The following ADGRL4 variants were observed in gnomAD, a reference collection of about 807,000 sequenced individuals.
ADGRL4 encodes the protein EGF, latrophilin and seven transmembrane domain containing 1.
In ADGRL4, 90 loss-of-function variants were observed where a neutral mutation model predicts 74.8. The ratio of observed to expected loss-of-function variants is 1.20; its 90% confidence interval spans 1.02 to 1.43. The LOEUF (loss-of-function observed/expected upper bound fraction) is 1.43. Among genes scored for constraint, ADGRL4 ranks in the 40% most tolerant of loss-of-function variants. The probability of loss-of-function intolerance (pLI) is 0.00; values close to 1 mark genes in which losing one functional copy is unlikely to be tolerated. For synonymous variants in ADGRL4, 311 were observed against 279.2 expected, an observed-to-expected ratio of 1.11 and a Z score of -1.14; for missense variants, 881 against 814.3, an observed-to-expected ratio of 1.08 and a Z score of -1.00.
intron 7 of ADGRL4, among the ~76,000 whole-genome samples, chr1:78,930,624 T>C (rs1649221445): frequency 6.6e-6 from 1 of 150,882 alleles, no homozygotes; most frequent in Admixed American, 6.6e-5. Flanking sequence ...CTAATTTTTG[T>C]ATTTTTAGTA....
intron 2 of ADGRL4, among the ~76,000 whole-genome samples, chr1:78,964,609 A>C (rs1378255017): frequency 6.6e-6 from 1 of 152,160 alleles, no homozygotes; most frequent in African/African-American, 2.4e-5. Flanking sequence ...TCTTCCATTT[A>C]AGTTCTTTCC....
At chr1:78,924,290 T>C (rs1015119152) in intron 8 of ADGRL4, among the ~76,000 whole-genome samples, 1 of 152,032 alleles carries the variant, frequency 6.6e-6, no homozygotes, top group African/African-American at 2.4e-5. Flanking sequence ...TGCGTGTATA[T>C]GTATATTTAT....
intron 12 of ADGRL4, among the ~76,000 whole-genome samples, chr1:78,900,281 G>A (rs1166462609): frequency 6.6e-6 from 1 of 152,068 alleles, no homozygotes; most frequent in African/African-American, 2.4e-5. Flanking sequence ...TTCTTCCGCA[G>A]TCCCTCCAGA....
At chr1:78,905,296 A>C (rs973754474) in intron 12 of ADGRL4, among the ~76,000 whole-genome samples, 1 of 152,052 alleles carries the variant, frequency 6.6e-6, no homozygotes. Flanking sequence ...GCTAACTTCA[A>C]TAAGTTTATA....
chr1:78,981,709 A>G (rs919777642), intron 2 of ADGRL4, among the ~76,000 whole-genome samples: 2 of 151,878 alleles, frequency 1.3e-5, no homozygotes, highest in African/African-American at 4.8e-5. Context: ...TTCTATTTTT[A>G]TGTCTTGGTT....
rs535744398 is a variant in ADGRL4, at chr1:79,001,164, A to G, written c.172+3906T>C. On this transcript the variant is annotated intron_variant, in intron 2 of 14. Transcript: ENST00000370742. ...AGGAGGAAGGAAGACAGAAGGAAGGAAGGAAGGGAGAGGGGGGGGAGGGAG... is the reference window on the plus strand; with the variant it reads ...AGGAGGAAGGAAGACAGAAGGAAGGGAGGAAGGGAGAGGGGGGGGAGGGAG... Among the ~76,000 whole-genome samples the G allele has an allele frequency of 4.6e-3, 337 of 72,700 alleles. 1 individual carries two copies. The highest frequency in any genetic ancestry group is 0.017 in the African/African-American group (325 of 19,404). 47.7% of individuals were successfully genotyped at this position (72,700 alleles called of 152,430 possible).
At chr1:78,946,221 G>A in intron 3 of ADGRL4, 53 bp downstream of exon 3, 1 of 1,485,188 alleles carries the variant, frequency 6.7e-7, no homozygotes, top group East Asian at 2.4e-5. Context: ...ACCTCTGGAG[G>A]TAACAAACAA....
At chr1:78,948,900 G>A (rs1364692564) in intron 2 of ADGRL4, among the ~76,000 whole-genome samples, 2 of 152,038 alleles carry the variant, frequency 1.3e-5, no homozygotes, top group Non-Finnish European at 1.5e-5. Flanking sequence ...TAATCAAAAA[G>A]TCAGGATCTG....
intron 8 of ADGRL4, among the ~76,000 whole-genome samples, chr1:78,925,628 C>G (rs2100676283): frequency 6.6e-6 from 1 of 152,066 alleles, no homozygotes; most frequent in South Asian, 2.1e-4. Flanking sequence ...GGTATATTGT[C>G]AGAGGAGAGT....
At chr1:78,991,397 G>A (rs1650605358) in intron 2 of ADGRL4, among the ~76,000 whole-genome samples, 1 of 151,994 alleles carries the variant, frequency 6.6e-6, no homozygotes, top group South Asian at 2.1e-4. Context: ...TTTGCTTTAA[G>A]TATCTTCTGC....
chr1:78,990,285 C>T (rs1236711943), intron 2 of ADGRL4, among the ~76,000 whole-genome samples: 1 of 151,696 alleles, frequency 6.6e-6, no homozygotes, highest in Non-Finnish European at 1.5e-5. Flanking sequence ...CAATTTTAAA[C>T]ACTGCTGGAA....
chr1:78,917,494 A>G lies in ADGRL4; in HGVS notation c.1749+140T>C, dbSNP rs116834304. ...TATACATGTATTTTTTAATTATAGT[A>G]TATGTAAAATGCTGATAAGTGATAT... On this transcript the variant is annotated intron_variant, in intron 12 of 14. Transcript: ENST00000370742. 3,150 of 428,264 alleles carry G rather than the reference A, an allele frequency of 7.4e-3. 106 individuals carry two copies. The highest frequency in any genetic ancestry group is 0.059 in the African/African-American group (2,858 of 48,696). 26.5% of individuals were successfully genotyped at this position (428,264 alleles called of 1,614,324 possible).
intron 12 of ADGRL4, among the ~76,000 whole-genome samples, chr1:78,905,447 A>G (rs1246785134): frequency 6.6e-6 from 1 of 152,068 alleles, no homozygotes; most frequent in Non-Finnish European, 1.5e-5. Flanking sequence ...TTTCTCTAGT[A>G]TACAGCTGGG....
intron 12 of ADGRL4, among the ~76,000 whole-genome samples, chr1:78,915,085 C>G (rs897025713): frequency 6.6e-6 from 1 of 151,900 alleles, no homozygotes. Context: ...CTAGGCAGAC[C>G]TGCAACTTCT....
At chr1:79,003,006 T>C (rs1473416455) in intron 2 of ADGRL4, among the ~76,000 whole-genome samples, 2 of 152,016 alleles carry the variant, frequency 1.3e-5, no homozygotes, top group South Asian at 4.1e-4. Flanking sequence ...AATTTTATGA[T>C]AATGGCGATA....
intron 7 of ADGRL4, among the ~76,000 whole-genome samples, chr1:78,930,104 G>C (rs553258528): frequency 6.6e-6 from 1 of 151,478 alleles, no homozygotes; most frequent in South Asian, 2.1e-4. Flanking sequence ...AGAAAGAATA[G>C]AGGATACGAA....
chr1:79,002,546 C>T (rs966263016), intron 2 of ADGRL4, among the ~76,000 whole-genome samples: 8 of 152,004 alleles, frequency 5.3e-5, no homozygotes, highest in African/African-American at 1.9e-4. Flanking sequence ...GAGCCATTGG[C>T]AGGTATTAAG....
chr1:78,940,048 C>T (rs761129653), intron 3 of ADGRL4, among the ~76,000 whole-genome samples: 1 of 152,088 alleles, frequency 6.6e-6, no homozygotes, highest in South Asian at 2.1e-4. Flanking sequence ...TTCTGAATTG[C>T]GTGATTAATC....
At chr1:78,920,077 G>A (rs1178871466) in intron 10 of ADGRL4, 106 bp downstream of exon 10, 7 of 802,994 alleles carry the variant, frequency 8.7e-6, no homozygotes, top group Middle Eastern at 3.8e-4. Flanking sequence ...TATAGAGAAC[G>A]TCTGCCCCAT....
Sources: allele counts gnomAD v4.1 joint callset (sites outside exome capture counted in the v4.1 genomes callset), GRCh38; gene constraint gnomAD v4.1.1; transcripts MANE v1.5; gene names NCBI Gene and HGNC (gene_info 2026-07-23, HGNC 2026-07-21).